ARMH3: variants seen among roughly 807,000 people sequenced by gnomAD.
ARMH3 encodes armadillo like helical domain containing 3, also known as armadillo-like helical domain-containing protein 3.
Under a neutral mutation model 99.1 loss-of-function variants are expected in ARMH3, and 60 were observed. The observed-to-expected ratio is 0.61, with a 90% CI of 0.49 to 0.75. ARMH3 has a LOEUF of 0.75. Ranked by LOEUF, ARMH3 falls within the 30% of genes least tolerant of loss-of-function variation. The pLI is 0.00. For missense variants in ARMH3, 679 were observed against 843.1 expected (o/e 0.81, Z 2.41); for synonymous variants, 285 against 292.8 (o/e 0.97, Z 0.27).
chr10:101,975,618 C>A (rs1015579355), intron 19 of ARMH3, among the ~76,000 whole-genome samples: 1 of 152,116 alleles, frequency 6.6e-6, no homozygotes, highest in Non-Finnish European at 1.5e-5. Context: ...GTAATCCCAG[C>A]ACTTTGGGAG....
chr10:101,866,662 G>A (rs2067011941), intron 24 of ARMH3, among the ~76,000 whole-genome samples: 1 of 152,146 alleles, frequency 6.6e-6, no homozygotes, highest in Non-Finnish European at 1.5e-5. Context: ...AGACTCTAAT[G>A]TGATTAGAGA....
At chr10:101,996,165 T>A (rs1432315174) in intron 15 of ARMH3, among the ~76,000 whole-genome samples, 1 of 152,074 alleles carries the variant, frequency 6.6e-6, no homozygotes, top group Non-Finnish European at 1.5e-5. Flanking sequence ...ACTCTGTGGG[T>A]GAAGGAGTGA....
intron 19 of ARMH3, among the ~76,000 whole-genome samples, chr10:101,989,015 C>T (rs540005203): frequency 1.3e-5 from 2 of 151,550 alleles, no homozygotes; most frequent in East Asian, 3.9e-4. Flanking sequence ...CCTGGCACTG[C>T]AATGGGCTTT....
chr10:101,987,992 T>G (rs1256764481), intron 19 of ARMH3, among the ~76,000 whole-genome samples: 1 of 152,238 alleles, frequency 6.6e-6, no homozygotes, highest in African/African-American at 2.4e-5. Flanking sequence ...GTATGCATAT[T>G]ACCTTTATTC....
intron 5 of ARMH3, among the ~76,000 whole-genome samples, chr10:102,028,345 T>TC (rs1446286584): frequency 6.6e-6 from 1 of 151,954 alleles, no homozygotes; most frequent in Non-Finnish European, 1.5e-5. Flanking sequence ...GGCCAGGAGT[T>TC]CAAGACCAGC....
chr10:101,935,141 T>C (rs1843899127), intron 23 of ARMH3, among the ~76,000 whole-genome samples: 1 of 142,996 alleles, frequency 7.0e-6, no homozygotes, highest in Admixed American at 7.2e-5. Context: ...GAAGCAACAA[T>C]TACACCAAGA....
At chr10:101,913,477 C>T (rs1463550041) in intron 23 of ARMH3, among the ~76,000 whole-genome samples, 1 of 151,254 alleles carries the variant, frequency 6.6e-6, no homozygotes, top group Non-Finnish European at 1.5e-5. Context: ...ATGATCTTCC[C>T]ATCTCAGCAT....
chr10:102,018,966 A>T (rs928222012), intron 8 of ARMH3, among the ~76,000 whole-genome samples: 3 of 152,212 alleles, frequency 2.0e-5, no homozygotes, highest in Non-Finnish European at 4.4e-5. Flanking sequence ...CAAAAAAAAA[A>T]GTATAACACA....
chr10:102,031,514 T>C (rs185881034), intron 4 of ARMH3, among the ~76,000 whole-genome samples: 1 of 152,340 alleles, frequency 6.6e-6, no homozygotes, highest in Non-Finnish European at 1.5e-5. Flanking sequence ...ATTGAGCCCC[T>C]ATGCTACAAC....
intron 23 of ARMH3, among the ~76,000 whole-genome samples, chr10:101,909,903 A>G (rs1590002990): frequency 6.6e-6 from 1 of 152,332 alleles, no homozygotes; most frequent in East Asian, 1.9e-4. Flanking sequence ...ATTATATGTT[A>G]GAAGAATAAT....
intron 23 of ARMH3, among the ~76,000 whole-genome samples, chr10:101,890,052 T>C (rs2067649694): frequency 6.6e-6 from 1 of 152,132 alleles, no homozygotes; most frequent in Non-Finnish European, 1.5e-5. Context: ...TTATCAAATC[T>C]ACCTCTTAAA....
At chr10:101,881,877 T>A (rs1281012221) in intron 24 of ARMH3, among the ~76,000 whole-genome samples, 1 of 152,172 alleles carries the variant, frequency 6.6e-6, no homozygotes, top group Non-Finnish European at 1.5e-5. Context: ...TTTTATCCAA[T>A]CCCTACCACT....
chr10:101,867,054 C>A (rs775585760), intron 24 of ARMH3, among the ~76,000 whole-genome samples: 1 of 152,154 alleles, frequency 6.6e-6, no homozygotes, highest in African/African-American at 2.4e-5. Flanking sequence ...GGAACAGTAA[C>A]CCTGCTTTGT....
At chr10:102,023,829 G>T in intron 6 of ARMH3, 80 bp from the exon 7 acceptor site, 2 of 1,305,358 alleles carry the variant, frequency 1.5e-6, no homozygotes, top group South Asian at 2.5e-5. Context: ...TAACATCTAA[G>T]AGAAACAAAA....
intron 2 of ARMH3, 101 bp from the exon 3 acceptor site, chr10:102,033,440 G>C (rs1189888695): frequency 1.7e-5 from 21 of 1,214,174 alleles, no homozygotes; most frequent in Admixed American, 5.1e-5. Context: ...TTTTTTTTGA[G>C]ATGGAATCTC....
At chr10:102,001,882 C>A (rs1213547023) in intron 15 of ARMH3, 89 bp downstream of exon 15, 4 of 1,215,126 alleles carry the variant, frequency 3.3e-6, no homozygotes, top group Non-Finnish European at 4.8e-6. Context: ...TTCATCTTGT[C>A]AAAGCTTCAA....
At chr10:101,895,278 C>CT (rs745819768) in intron 23 of ARMH3, among the ~76,000 whole-genome samples, 1,704 of 131,688 alleles carry the variant, frequency 0.013, 35 homozygotes, top group East Asian at 0.052. Context: ...CGATAAAATT[C>CT]TTTTTTTTTT....
intron 23 of ARMH3, among the ~76,000 whole-genome samples, chr10:101,919,223 C>T (rs1843206039): frequency 6.6e-6 from 1 of 152,006 alleles, no homozygotes; most frequent in Admixed American, 6.6e-5. Flanking sequence ...TTCTTCTCTC[C>T]TTCTCTCCGT....
At chr10:102,041,047 ATAC>A in intron 1 of ARMH3, among the ~76,000 whole-genome samples, 1 of 145,648 alleles carries the variant, frequency 6.9e-6, no homozygotes, top group South Asian at 2.2e-4. Flanking sequence ...ATAGAGTAAT[ATAC>A]TACTTTCAAA....
Sources: allele counts gnomAD v4.1 joint callset (sites outside exome capture counted in the v4.1 genomes callset), GRCh38; gene constraint gnomAD v4.1.1; transcripts MANE v1.5; gene names NCBI Gene and HGNC (gene_info 2026-07-23, HGNC 2026-07-21).